Variants in PPP2R3B observed in about 807,000 individuals in gnomAD.
PPP2R3B encodes serine/threonine-protein phosphatase 2A regulatory subunit B'' subunit beta.
PPP2R3B carries 68 observed loss-of-function variants against 72.9 expected under a neutral mutation model. That is an observed-to-expected ratio of 0.93 (90% CI 0.77 to 1.14). The LOEUF is 1.14. PPP2R3B is among the 50% of genes most tolerant of loss of function. PPP2R3B has a pLI of 0.00. For missense variants in PPP2R3B, 1,018 were observed against 842.0 expected, an observed-to-expected ratio of 1.21 and a Z score of -2.59; for synonymous variants, 466 against 375.8, an observed-to-expected ratio of 1.24 and a Z score of -2.78.
At position 386,821 on chromosome X, in the gene PPP2R3B, G is replaced by T; in HGVS notation, c.-130C>A. ...GAGGGGGCGCGGCGCAGGGAACAGG[G>T]CCCGCGCCTCGGGAACTGCGCGGAC... On this transcript the variant is annotated 5_prime_UTR_variant, in exon 1 of 13. Transcript: ENST00000390665. 1 of 431,968 alleles carries T rather than the reference G, an allele frequency of 2.3e-6. No individual in the cohort carries two copies. Among genetic ancestry groups the T allele is most frequent in the Non-Finnish European group, 3.4e-6 (1 of 296,524 alleles). The allele number at this position is 431,968 out of a possible 1,614,324, so 26.8% of individuals were successfully genotyped here.
In PPP2R3B at chrX:338,584, C is replaced by G. The variant is rs867689061; in HGVS notation, c.1577+20G>C. On this transcript the variant is annotated intron_variant, in intron 12 of 12. Coordinates refer to ENST00000390665, the MANE Select transcript of PPP2R3B (RefSeq NM_013239.5). ...CCTCCCACTGACCCGTCCCCCCACTCACCCGTCCTCCCCACTCACCCGTCC... is the reference window on the plus strand; with the variant it reads ...CCTCCCACTGACCCGTCCCCCCACTGACCCGTCCTCCCCACTCACCCGTCC... 23 of 1,579,340 alleles carry G rather than the reference C, an allele frequency of 1.5e-5. No homozygotes were observed. Among genetic ancestry groups the G allele is most frequent in the African/African-American group, 5.7e-5 (4 of 70,140 alleles).
intron 12 of PPP2R3B, chrX:338,365 C>T: frequency 1.7e-6 from 1 of 602,662 alleles, no homozygotes; most frequent in Non-Finnish European, 3.0e-6. Flanking sequence ...CCCAGGATCA[C>T]AGAACCCCAC....
chrX:384,741 T>C (rs1178527978), intron 1 of PPP2R3B, among the ~76,000 whole-genome samples: 2 of 152,012 alleles, frequency 1.3e-5, no homozygotes, highest in African/African-American at 2.4e-5. Context: ...TCCCAGCACT[T>C]TGAGAGGCTG....
intron 1 of PPP2R3B, among the ~76,000 whole-genome samples, chrX:381,359 G>A (rs751725413): frequency 2.6e-5 from 4 of 152,184 alleles, no homozygotes; most frequent in Admixed American, 6.5e-5. Context: ...AAACAATGCC[G>A]TTCCTTTCAC....
chrX:364,408 G>T (rs1407973114), intron 1 of PPP2R3B, among the ~76,000 whole-genome samples: 4 of 151,130 alleles, frequency 2.6e-5, no homozygotes, highest in Non-Finnish European at 5.9e-5. Context: ...GCTCGTGCCT[G>T]CAATCCTGGC....
At chrX:382,509 G>A (rs975288781) in intron 1 of PPP2R3B, among the ~76,000 whole-genome samples, 2 of 144,980 alleles carry the variant, frequency 1.4e-5, no homozygotes, top group Non-Finnish European at 3.0e-5. Flanking sequence ...CATTTTCACC[G>A]CCTCCCTTGG....
chrX:361,336 C>A, intron 2 of PPP2R3B, 69 bp downstream of exon 2: 1 of 1,572,234 alleles, frequency 6.4e-7, no homozygotes. Context: ...CCACCACGGC[C>A]GCTCCGCCTC....
chrX:381,662 G>C (rs1442356154), intron 1 of PPP2R3B, among the ~76,000 whole-genome samples: 1 of 142,212 alleles, frequency 7.0e-6, no homozygotes, highest in Non-Finnish European at 1.5e-5. Context: ...GCAGTGGCGC[G>C]ATCTCAGCTC....
chrX:363,296 T>A (rs749597692), intron 1 of PPP2R3B, among the ~76,000 whole-genome samples: 1 of 149,968 alleles, frequency 6.7e-6, no homozygotes, highest in Admixed American at 6.6e-5. Context: ...GATCCCGCAG[T>A]GCATCTCCCC....
chrX:351,070 C>CTA (rs1206110533), intron 2 of PPP2R3B, among the ~76,000 whole-genome samples: 1 of 152,184 alleles, frequency 6.6e-6, no homozygotes, highest in Non-Finnish European at 1.5e-5. Context: ...TGCAGTGCTG[C>CTA]TATGGGAAAG....
rs375391068 is a variant in PPP2R3B, at chrX:386,430, C to T, written c.262G>A (p.Ala88Thr). ...TGGGGCGCGTTCCTGGGGCTGGAGG[C>T]GGCGCCCAGGGGCAGCGCAGGGCCC... The part of the protein sequence containing the change: ...GPGPALPLGA[A>T]SSPRNAPHVR... Residue 88 changes from alanine to threonine, a missense_variant, in exon 1 of 13, where the codon GCC (alanine) becomes ACC (threonine). Ala to Thr is a moderately conservative substitution (Grantham distance 58, BLOSUM62 0). Transcript: ENST00000390665. 11 of 1,318,420 alleles carry T rather than the reference C, an allele frequency of 8.3e-6. No individual in the cohort carries two copies. In the African/African-American group the frequency reaches 1.5e-4, roughly 18 times the overall value. 81.7% of individuals were successfully genotyped at this position (1,318,420 alleles called of 1,614,324 possible).
intron 2 of PPP2R3B, among the ~76,000 whole-genome samples, chrX:356,730 C>T (rs916953273): frequency 6.6e-6 from 1 of 152,196 alleles, no homozygotes; most frequent in Non-Finnish European, 1.5e-5. Context: ...AGCACACACA[C>T]AGCAGAAGCT....
intron 1 of PPP2R3B, among the ~76,000 whole-genome samples, chrX:365,150 T>G (rs868544849): frequency 0.03 from 1,338 of 44,316 alleles, 1 homozygote; most frequent in East Asian, 0.037. Context: ...GAGGCGGAGG[T>G]TGCAGTGAGC....
At chrX:352,586 T>C (rs2071353935) in intron 2 of PPP2R3B, among the ~76,000 whole-genome samples, 1 of 96,622 alleles carries the variant, frequency 1.0e-5, no homozygotes, top group Admixed American at 1.2e-4. Context: ...CTGAACCCTA[T>C]TCCATTATGG....
chrX:334,548 A>G, intron 12 of PPP2R3B, 31 bp from the exon 13 acceptor site: 7 of 1,471,678 alleles, frequency 4.8e-6, no homozygotes, highest in Non-Finnish European at 6.3e-6. Flanking sequence ...AGACGTGGCC[A>G]GCAGCGCGGA....
At chrX:358,945 T>C (rs867554593) in intron 2 of PPP2R3B, among the ~76,000 whole-genome samples, 4 of 14,682 alleles carry the variant, frequency 2.7e-4, no homozygotes, top group African/African-American at 8.6e-4. Context: ...GCGGCGGGGG[T>C]AGGGGAGGGC....
intron 8 of PPP2R3B, 166 bp from the exon 9 acceptor site, chrX:341,562 C>T (rs1327727003): frequency 6.7e-6 from 5 of 743,152 alleles, no homozygotes; most frequent in East Asian, 5.1e-5. Context: ...AGGTGGAGGC[C>T]CCGTGGCCAG....
At chrX:336,439 C>T (rs2070891505) in intron 12 of PPP2R3B, 1 of 152,052 alleles carries the variant, frequency 6.6e-6, no homozygotes, top group Non-Finnish European at 1.5e-5. Context: ...GAGACGTCCC[C>T]CAGGACTGGG....
At chrX:353,470 A>G (rs1220542354) in intron 2 of PPP2R3B, among the ~76,000 whole-genome samples, 1 of 152,200 alleles carries the variant, frequency 6.6e-6, no homozygotes. Context: ...ACTATCCCAA[A>G]TGGCTTCACT....
Sources: allele counts gnomAD v4.1 joint callset (sites outside exome capture counted in the v4.1 genomes callset), GRCh38; gene constraint gnomAD v4.1.1; transcripts MANE v1.5; gene names NCBI Gene and HGNC (gene_info 2026-07-23, HGNC 2026-07-21).